Variants in SULF1 observed in about 807,000 individuals in gnomAD.
SULF1 encodes the protein extracellular sulfatase Sulf-1.
SULF1 carries 46 observed loss-of-function variants against 110.5 expected under a neutral mutation model. The observed-to-expected ratio is 0.42, with a 90% CI of 0.33 to 0.53. The LOEUF is 0.53. Ranked by LOEUF, SULF1 falls within the 20% of genes least tolerant of loss-of-function variation. The probability of loss-of-function intolerance (pLI) is 0.12; values close to 1 mark genes in which losing one functional copy is unlikely to be tolerated. For synonymous variants in SULF1, 371 were observed against 387.1 expected (o/e 0.96, Z 0.49); for missense variants, 941 against 1,094.2 (o/e 0.86, Z 1.98).
chr8:69,473,320 C>T (rs1399039052), intron 1 of SULF1: 1 of 152,184 alleles, frequency 6.6e-6, no homozygotes, highest in Non-Finnish European at 1.5e-5. Context: ...TGTTTAACTG[C>T]TGTCGGTGAG....
chr8:69,500,970 C>G (rs529828369), intron 2 of SULF1, among the ~76,000 whole-genome samples: 16 of 152,050 alleles, frequency 1.1e-4, no homozygotes, highest in Non-Finnish European at 1.5e-4. Context: ...TAACCTGACT[C>G]GCCAAGGCCA....
chr8:69,548,793 A>G lies in SULF1; in HGVS notation c.-133-14746A>G, dbSNP rs535997048. Among the ~76,000 whole-genome samples the G allele has an allele frequency of 7.9e-5, 12 of 151,950 alleles. No individual in the cohort carries two copies. The South Asian group carries it at 2.5e-3, about 32-fold the overall frequency. ...TTAATATTGAGGACCCAGAGCCAAA[A>G]CAAAACAAAACAAAACAAAACAGTG... is the stretch of plus-strand genomic sequence containing the variant. On this transcript the variant is annotated intron_variant, in intron 3 of 22. Coordinates refer to ENST00000402687, the MANE Select transcript of SULF1 (RefSeq NM_001128205.2).
intron 3 of SULF1, among the ~76,000 whole-genome samples, chr8:69,539,364 G>A (rs1813703111): frequency 6.6e-6 from 1 of 152,132 alleles, no homozygotes; most frequent in Admixed American, 6.5e-5. Context: ...AAGATCTCAT[G>A]TTATTTGAAA....
chr8:69,590,309 A>G (rs1389584378), intron 8 of SULF1, among the ~76,000 whole-genome samples: 2 of 152,042 alleles, frequency 1.3e-5, no homozygotes, highest in South Asian at 2.1e-4. Flanking sequence ...CTACAGGCAC[A>G]CGCCACCACA....
At chr8:69,547,008 T>C (rs558484484) in intron 3 of SULF1, among the ~76,000 whole-genome samples, 1 of 152,340 alleles carries the variant, frequency 6.6e-6, no homozygotes, top group East Asian at 1.9e-4. Context: ...TACATTATAT[T>C]AGCTTATATA....
intron 1 of SULF1, among the ~76,000 whole-genome samples, chr8:69,471,400 GA>G (rs11478873): frequency 0.31 from 43,079 of 139,532 alleles, 6,218 homozygotes; most frequent in Non-Finnish European, 0.33. Flanking sequence ...GACAGGAAAC[GA>G]AAAAAAAAAA....
At chr8:69,522,530 G>A (rs553738093) in intron 3 of SULF1, among the ~76,000 whole-genome samples, 16 of 152,326 alleles carry the variant, frequency 1.1e-4, no homozygotes, top group African/African-American at 3.8e-4. Context: ...TTAGCTTGAT[G>A]AGAGCCTATA....
intron 3 of SULF1, among the ~76,000 whole-genome samples, chr8:69,528,578 A>T (rs1036377820): frequency 2.1e-4 from 32 of 152,236 alleles, no homozygotes; most frequent in Admixed American, 8.5e-4. Context: ...ATATTTTGTT[A>T]TCTAAAATTT....
intron 1 of SULF1, among the ~76,000 whole-genome samples, chr8:69,467,806 G>A (rs951783665): frequency 6.6e-6 from 1 of 152,124 alleles, no homozygotes; most frequent in African/African-American, 2.4e-5. Context: ...CAAACAGAAA[G>A]GATTTAATTA....
intron 3 of SULF1, among the ~76,000 whole-genome samples, chr8:69,502,690 C>CCTT (rs1810895446): frequency 7.9e-6 from 1 of 125,910 alleles, no homozygotes; most frequent in Non-Finnish European, 1.7e-5. Context: ...CTTTTTTTTT[C>CCTT]TTTTTTTTTT....
chr8:69,510,440 C>A lies in SULF1; in HGVS notation c.-134+8472C>A, dbSNP rs558535498. ...TAGGGGCCAGTAATGCCATCAACTT[C>A]ATTATGCTGTTCTGAAGATTAGATG... On this transcript the variant is annotated intron_variant, in intron 3 of 22. Transcript: ENST00000402687. Among the ~76,000 whole-genome samples, 10 of 152,284 alleles carry A rather than the reference C, an allele frequency of 6.6e-5. 1 individual carries two copies. The highest frequency in any genetic ancestry group is 4.6e-4 in the Admixed American group (7 of 15,300).
intron 13 of SULF1, among the ~76,000 whole-genome samples, chr8:69,617,992 T>TC (rs1809310995): frequency 6.6e-6 from 1 of 152,130 alleles, no homozygotes; most frequent in African/African-American, 2.4e-5. Flanking sequence ...CCTCCTGCCT[T>TC]CCCCATGGAA....
At chr8:69,532,247 G>A (rs1037504504) in intron 3 of SULF1, among the ~76,000 whole-genome samples, 1 of 152,054 alleles carries the variant, frequency 6.6e-6, no homozygotes, top group Non-Finnish European at 1.5e-5. Context: ...TTGCCTGATG[G>A]TCTTGTAAGG....
At chr8:69,648,144 A>G (rs1298673518) in intron 22 of SULF1, among the ~76,000 whole-genome samples, 1 of 151,568 alleles carries the variant, frequency 6.6e-6, no homozygotes, top group African/African-American at 2.4e-5. Flanking sequence ...CTTCAGAAAA[A>G]AAAAAAAAAC....
At chr8:69,494,581 T>C (rs943943843) in intron 1 of SULF1, among the ~76,000 whole-genome samples, 10 of 152,190 alleles carry the variant, frequency 6.6e-5, no homozygotes, top group Admixed American at 6.5e-4. Context: ...AAAGTGATAT[T>C]TCAACACTAA....
At chr8:69,604,016 G>T (rs765959962) in intron 12 of SULF1, among the ~76,000 whole-genome samples, 5 of 152,174 alleles carry the variant, frequency 3.3e-5, no homozygotes, top group Non-Finnish European at 4.4e-5. Context: ...TAAATGAGAT[G>T]ATGAATATCC....
chr8:69,629,440 A>C, intron 18 of SULF1, 64 bp from the exon 19 acceptor site: 2 of 1,504,162 alleles, frequency 1.3e-6, no homozygotes, highest in Non-Finnish European at 1.8e-6. Context: ...TCACAGCAAC[A>C]AGCCTATTTG....
intron 3 of SULF1, among the ~76,000 whole-genome samples, chr8:69,505,722 C>A (rs930356037): frequency 6.6e-6 from 1 of 152,058 alleles, no homozygotes; most frequent in African/African-American, 2.4e-5. Context: ...TGTCTTGCTG[C>A]AGAATATAGA....
intron 3 of SULF1, among the ~76,000 whole-genome samples, chr8:69,521,138 A>G (rs1357236571): frequency 6.6e-6 from 1 of 152,172 alleles, no homozygotes; most frequent in African/African-American, 2.4e-5. Flanking sequence ...AGGGTTTTCA[A>G]GTAAATAGCT....
Sources: allele counts gnomAD v4.1 joint callset (sites outside exome capture counted in the v4.1 genomes callset), GRCh38; gene constraint gnomAD v4.1.1; transcripts MANE v1.5; gene names NCBI Gene and HGNC (gene_info 2026-07-23, HGNC 2026-07-21).